Variants in GCNT1 observed in about 807,000 individuals in gnomAD.
GCNT1 encodes beta-1,3-galactosyl-O-glycosyl-glycoprotein beta-1,6-N-acetylglucosaminyltransferase.
Under a neutral mutation model 26.2 loss-of-function variants are expected in GCNT1, and 16 were observed. The ratio of observed to expected loss-of-function variants is 0.61; its 90% CI spans 0.41 to 0.93. The LOEUF is 0.93. Among genes scored for constraint, GCNT1 ranks in the 40% least tolerant of loss-of-function variants. The pLI, the probability that GCNT1 is intolerant of heterozygous loss-of-function variation, is 0.00. For missense variants in GCNT1, 477 were observed against 526.7 expected, an observed-to-expected ratio of 0.91 and a Z score of 0.92; for synonymous variants, 183 against 190.8, an observed-to-expected ratio of 0.96 and a Z score of 0.34.
chr9:76,499,464 C>G (rs1012595930), intron 2 of GCNT1, among the ~76,000 whole-genome samples: 3 of 152,094 alleles, frequency 2.0e-5, no homozygotes, highest in African/African-American at 7.2e-5. Context: ...TCACTCACTG[C>G]CTTTTGGTCT....
At chr9:76,465,146 CTG>C (rs1288400049) in intron 2 of GCNT1, among the ~76,000 whole-genome samples, 4 of 150,360 alleles carry the variant, frequency 2.7e-5, no homozygotes, top group African/African-American at 7.4e-5. Flanking sequence ...GTGCCTGACT[CTG>C]ATTTGAGTTT....
intron 2 of GCNT1, among the ~76,000 whole-genome samples, chr9:76,497,392 G>C (rs1824936149): frequency 6.6e-6 from 1 of 152,140 alleles, no homozygotes; most frequent in Admixed American, 6.5e-5. Flanking sequence ...TGTATGTCTT[G>C]AAATTAGGTT....
At chr9:76,458,233 A>T (rs1241733336), upstream of GCNT1, among the ~76,000 whole-genome samples, 3 of 116,650 alleles carry the variant, frequency 2.6e-5, no homozygotes, top group African/African-American at 1.0e-4. Flanking sequence ...CCCAGGCTGG[A>T]GTGCAGTGAC....
At chr9:76,396,319 G>A in the GCNT1 span, among the ~76,000 whole-genome samples, 3 of 152,238 alleles carry the variant, frequency 2.0e-5, no homozygotes, top group Admixed American at 6.5e-5. Flanking sequence ...GCGGGGCATG[G>A]TGGCTTACGC....
At chr9:76,448,867 A>G (rs1823618432) in intron 1 of GCNT1, among the ~76,000 whole-genome samples, 1 of 152,242 alleles carries the variant, frequency 6.6e-6, no homozygotes, top group Non-Finnish European at 1.5e-5. Flanking sequence ...TCAGACAGGT[A>G]CTTCTTTTAA....
intron 2 of GCNT1, among the ~76,000 whole-genome samples, chr9:76,483,083 C>T (rs914171934): frequency 6.6e-6 from 1 of 151,954 alleles, no homozygotes; most frequent in Non-Finnish European, 1.5e-5. Context: ...ATAATAGTAT[C>T]TTACATGATG....
chr9:76,498,049 G>T (rs1824959328), intron 2 of GCNT1, among the ~76,000 whole-genome samples: 1 of 152,088 alleles, frequency 6.6e-6, no homozygotes, highest in South Asian at 2.1e-4. Context: ...ATATGGATTT[G>T]CTTTTTCTGG....
the GCNT1 span, among the ~76,000 whole-genome samples, chr9:76,408,855 T>C: frequency 1.3e-5 from 2 of 152,026 alleles, no homozygotes; most frequent in Admixed American, 1.3e-4. Context: ...ACCCAGCTAA[T>C]TTTTGTAATT....
At chr9:76,501,848 G>A (rs1825078297) in intron 3 of GCNT1, 1 of 152,146 alleles carries the variant, frequency 6.6e-6, no homozygotes, top group South Asian at 2.1e-4. Flanking sequence ...CTGGCACAGT[G>A]TCAGAAACTC....
upstream of GCNT1, among the ~76,000 whole-genome samples, chr9:76,454,308 G>A (rs533358190): frequency 8.1e-4 from 121 of 150,072 alleles, 1 homozygote; most frequent in South Asian, 1.5e-3. Flanking sequence ...CCCGGGAGGC[G>A]GAGGTTGCAG....
At chr9:76,463,956 G>C (rs1249038461) in intron 2 of GCNT1, among the ~76,000 whole-genome samples, 1 of 152,056 alleles carries the variant, frequency 6.6e-6, no homozygotes, top group Non-Finnish European at 1.5e-5. Context: ...AGCACTTTGG[G>C]AGGCTGAGAT....
intron 1 of GCNT1, among the ~76,000 whole-genome samples, chr9:76,423,536 T>C (rs1359795820): frequency 6.6e-6 from 1 of 152,220 alleles, no homozygotes; most frequent in Non-Finnish European, 1.5e-5. Context: ...GATTCTGTTA[T>C]AACAGCACAA....
upstream of GCNT1, among the ~76,000 whole-genome samples, chr9:76,438,991 C>A (rs573406662): frequency 2.3e-3 from 349 of 152,230 alleles, 1 homozygote; most frequent in Non-Finnish European, 3.6e-3. Flanking sequence ...ACACATTTGA[C>A]CACAACACTC....
chr9:76,487,148 G>T (rs775121896), intron 2 of GCNT1, among the ~76,000 whole-genome samples: 1 of 152,138 alleles, frequency 6.6e-6, no homozygotes, highest in Non-Finnish European at 1.5e-5. Context: ...ATGAGATGAG[G>T]CTATGAAAGT....
At chr9:76,434,889 G>C (rs1291272351) in intron 1 of GCNT1, among the ~76,000 whole-genome samples, 1 of 152,046 alleles carries the variant, frequency 6.6e-6, no homozygotes, top group Non-Finnish European at 1.5e-5. Flanking sequence ...ACTGAAATAC[G>C]CCCCGTCTCC....
intron 2 of GCNT1, among the ~76,000 whole-genome samples, chr9:76,498,171 G>A (rs566470): frequency 0.6 from 91,084 of 151,974 alleles, 27,843 homozygotes; most frequent in African/African-American, 0.71. Flanking sequence ...TATTATACCC[G>A]TATAATATCC....
intron 2 of GCNT1, among the ~76,000 whole-genome samples, chr9:76,465,943 G>A (rs1291151888): frequency 2.6e-5 from 4 of 152,194 alleles, no homozygotes; most frequent in African/African-American, 2.4e-5. Context: ...CGAGGTGTGG[G>A]AGGGAAGATA....
intron 2 of GCNT1, among the ~76,000 whole-genome samples, chr9:76,494,941 A>G (rs143212695): frequency 1.6e-4 from 25 of 152,318 alleles, no homozygotes; most frequent in African/African-American, 5.8e-4. Flanking sequence ...AGCTGTTTTC[A>G]GGCAAACCAA....
intron 1 of GCNT1, among the ~76,000 whole-genome samples, chr9:76,452,156 A>C (rs867886232): frequency 1.3e-5 from 2 of 152,118 alleles, no homozygotes; most frequent in Middle Eastern, 3.4e-3. Context: ...TTTAGTACAG[A>C]TGGGGTTTCA....
Sources: allele counts gnomAD v4.1 joint callset (sites outside exome capture counted in the v4.1 genomes callset), GRCh38; gene constraint gnomAD v4.1.1; transcripts MANE v1.5; gene names NCBI Gene and HGNC (gene_info 2026-07-23, HGNC 2026-07-21).